CCDC57: variants seen among roughly 807,000 people sequenced by gnomAD.
CCDC57 encodes the protein coiled-coil domain-containing protein 57.
In CCDC57, 118 loss-of-function variants were observed where a neutral mutation model predicts 118.9. The ratio of observed to expected loss-of-function variants is 0.99; its 90% confidence interval spans 0.86 to 1.16. CCDC57 has a LOEUF of 1.16. Among genes scored for constraint, CCDC57 ranks in the 50% most tolerant of loss-of-function variants. CCDC57 has a pLI of 0.00. For synonymous variants in CCDC57, 527 were observed against 532.9 expected, an observed-to-expected ratio of 0.99 and a Z score of 0.15; for missense variants, 1,300 against 1,320.7, an observed-to-expected ratio of 0.98 and a Z score of 0.24.
chr17:82,113,703 C>T (rs1174125087), intron 19 of CCDC57: 5 of 713,088 alleles, frequency 7.0e-6, no homozygotes, highest in African/African-American at 3.5e-5. Flanking sequence ...GAGGCCAAGG[C>T]GGCAGGACTG....
chr17:82,154,125 G>C (rs1020614673), intron 15 of CCDC57: 2 of 152,376 alleles, frequency 1.3e-5, no homozygotes, highest in Non-Finnish European at 2.9e-5. Flanking sequence ...GGGAAGTTTT[G>C]TATTTTAAGG....
At chr17:82,201,459 G>T in intron 3 of CCDC57, 79 bp downstream of exon 2, 2 of 1,433,550 alleles carry the variant, frequency 1.4e-6, no homozygotes, top group Non-Finnish European at 9.2e-7. Context: ...GGCAGTGCTC[G>T]GGCAGCACAG....
At chr17:82,185,437 G>C (rs1488886986) in intron 8 of CCDC57, among the ~76,000 whole-genome samples, 1 of 151,622 alleles carries the variant, frequency 6.6e-6, no homozygotes, top group Non-Finnish European at 1.5e-5. Context: ...TGGGCAACAT[G>C]ACTAAACCCT....
intron 19 of CCDC57, chr17:82,127,160 CAG>C (rs2037562034): frequency 1.0e-6 from 1 of 985,326 alleles, no homozygotes; most frequent in Non-Finnish European, 1.2e-6. Context: ...AGAAGAGTCT[CAG>C]GGCGGCAACG....
At chr17:82,162,940 G>A (rs1326945117) in intron 14 of CCDC57, among the ~76,000 whole-genome samples, 2 of 152,190 alleles carry the variant, frequency 1.3e-5, no homozygotes, top group African/African-American at 4.8e-5. Flanking sequence ...CCAGGGCCTG[G>A]TGTTCTGGCC....
intron 3 of CCDC57, among the ~76,000 whole-genome samples, chr17:82,200,620 C>T (rs2048880963): frequency 6.6e-6 from 1 of 151,768 alleles, no homozygotes; most frequent in Non-Finnish European, 1.5e-5. Flanking sequence ...CCCGTCTCTA[C>T]TAAAAATACA....
At chr17:82,156,982 T>G (rs933611590) in intron 15 of CCDC57, 5 of 152,238 alleles carry the variant, frequency 3.3e-5, no homozygotes, top group Admixed American at 6.5e-5. Context: ...TGTGGATTCA[T>G]AGGTCACTAT....
At chr17:82,105,336 C>A (rs1044873126) in intron 19 of CCDC57, among the ~76,000 whole-genome samples, 4 of 152,204 alleles carry the variant, frequency 2.6e-5, no homozygotes, top group Non-Finnish European at 5.9e-5. Context: ...CACAGGGGTC[C>A]TCACGCACCC....
intron 19 of CCDC57, among the ~76,000 whole-genome samples, chr17:82,123,906 A>G (rs1157536186): frequency 6.6e-6 from 1 of 151,570 alleles, no homozygotes; most frequent in East Asian, 1.9e-4. Context: ...TGGTCAGAAA[A>G]CAAGACAGAT....
At position 82,172,624 on chromosome 17, in the gene CCDC57, T is replaced by C. The variant is rs1225325295; in HGVS notation, c.1729+14A>G. The C allele has an allele frequency of 5.8e-6, 9 of 1,548,352 alleles. No individual in the cohort carries two copies. In the Admixed American group the frequency reaches 1.8e-4, roughly 30 times the overall value. On this transcript the variant is annotated intron_variant, in intron 12 of 19. Transcript: ENST00000665763. The surrounding 1 kb of genome is among the most constrained non-coding windows in gnomAD (Gnocchi z 5.2). ...CTTCCTCTCCCGCTCTGTCCGTTTC[T>C]CCCACTTACTCACCAGGAGTGGCGG...
In CCDC57 at chr17:82,163,303, C is replaced by T. The variant is rs1217948589; in HGVS notation, c.1937G>A (p.Gly646Glu). Residue 646 changes from glycine to glutamate, a missense_variant, in exon 14 of 20, where the codon GGA (glycine) becomes GAA (glutamate). Transcript: ENST00000665763. ...TACTGGGCCAGCTTGGACAGATCCT[C>T]CTGCTTGACCAGCTTGGACAGACCC... The T allele has an allele frequency of 9.3e-6, 15 of 1,614,036 alleles. No homozygotes were observed. Among genetic ancestry groups the T allele is most frequent in the Non-Finnish European group, 1.2e-5 (14 of 1,179,894 alleles).
intron 11 of CCDC57, among the ~76,000 whole-genome samples, chr17:82,175,147 G>A (rs191047923): frequency 7.2e-5 from 11 of 152,358 alleles, no homozygotes; most frequent in Non-Finnish European, 7.3e-5. Flanking sequence ...TTGTAATGGC[G>A]TGGGAAAATA....
At chr17:82,133,876 T>G (rs923920176) in intron 17 of CCDC57, among the ~76,000 whole-genome samples, 197 bp downstream of exon 16, 1 of 128,348 alleles carries the variant, frequency 7.8e-6, no homozygotes, top group African/African-American at 2.9e-5. Context: ...AACAAACAAA[T>G]GAGAACCAAA....
chr17:82,211,420 A>G (rs1030500269), intron 1 of CCDC57, among the ~76,000 whole-genome samples: 1 of 152,224 alleles, frequency 6.6e-6, no homozygotes, highest in African/African-American at 2.4e-5. Context: ...TGATACCAAC[A>G]TGAACGCCAG....
intron 14 of CCDC57, among the ~76,000 whole-genome samples, chr17:82,158,902 G>A (rs1267511926): frequency 6.6e-6 from 1 of 151,810 alleles, no homozygotes; most frequent in Non-Finnish European, 1.5e-5. Flanking sequence ...GCCCAAGCTG[G>A]GGCAGAGTGG....
At chr17:82,200,257 C>T (rs1293566046) in intron 3 of CCDC57, among the ~76,000 whole-genome samples, 1 of 152,126 alleles carries the variant, frequency 6.6e-6, no homozygotes. Flanking sequence ...GTTAAAAGGG[C>T]GTGGCAGAAC....
At chr17:82,151,199 G>C (rs1434399994) in intron 16 of CCDC57, among the ~76,000 whole-genome samples, 15,606 of 46,660 alleles carry the variant, frequency 0.33, 4,679 homozygotes, top group East Asian at 0.78. Context: ...AGAACCAGGC[G>C]CACATCCAGA....
chr17:82,198,521 CT>C, intron 3 of CCDC57, 99 bp from the exon 3 acceptor site: 1 of 836,718 alleles, frequency 1.2e-6, no homozygotes, highest in Non-Finnish European at 1.9e-6. Flanking sequence ...TGGTGCTTTG[CT>C]TTTATGAAGG....
chr17:82,150,774 C>T (rs2041859592), intron 16 of CCDC57, among the ~76,000 whole-genome samples: 1 of 106,100 alleles, frequency 9.4e-6, no homozygotes, highest in Middle Eastern at 4.5e-3. Context: ...GGCGCACACT[C>T]AGAACCTGGT....
Sources: allele counts gnomAD v4.1 joint callset (sites outside exome capture counted in the v4.1 genomes callset), GRCh38; gene constraint gnomAD v4.1.1; non-coding constraint Gnocchi (gnomAD v3.1); transcripts MANE v1.5; gene names NCBI Gene and HGNC (gene_info 2026-07-23, HGNC 2026-07-21).